The following CACNA1G variants were observed in gnomAD, a reference collection of about 807,000 sequenced individuals.
CACNA1G encodes voltage-dependent T-type calcium channel subunit alpha-1G.
Under a neutral mutation model 219.4 loss-of-function variants are expected in CACNA1G, and 67 were observed. The observed-to-expected ratio is 0.31, with a 90% CI of 0.25 to 0.37. The LOEUF (loss-of-function observed/expected upper bound fraction) is 0.37, where lower values mean the gene tolerates loss of function less well. Among genes scored for constraint, CACNA1G ranks in the 10% least tolerant of loss-of-function variants. The pLI is 1.00. For missense variants in CACNA1G, 2,380 were observed against 3,231.4 expected (o/e 0.74, Z 6.39); for synonymous variants, 1,296 against 1,345.3 (o/e 0.96, Z 0.80).
In CACNA1G at chr17:50,626,448, C is replaced by T. The variant is rs775659810; in HGVS notation, c.6831C>T (p.Ser2277=). Residue 2277 remains serine (S), a synonymous_variant, in exon 38 of 38, where the codon AGC becomes AGT. Coordinates refer to ENST00000359106, the MANE Select transcript of CACNA1G (RefSeq NM_018896.5). The surrounding 1 kb of genome is among the most constrained non-coding windows in gnomAD (Gnocchi z 4.3). ...RHSIAVSCLD[S]GSQPHLGTDP... ...CTATCGCCGTCAGCTGCCTGGACAG[C>T]GGCTCCCAACCCCACCTGGGCACAG... 3.7e-5 allele frequency: 59 copies of T among 1,603,952 alleles called. No homozygotes were observed. In the South Asian group the frequency reaches 3.8e-4, roughly 10 times the overall value.
Position 50,578,348 on chromosome 17 carries a change from G to A in CACNA1G, c.2085G>A (p.Glu695=), listed in dbSNP as rs566669582. ...ACTCAGACAGCGAGGCAGTTTATGA[G>A]TTCACACAGGATGCCCAGCACAGCG... The part of the protein sequence containing the change: ...MPDSDSEAVY[E]FTQDAQHSDL... The change falls in exon 9 of 38, where the codon GAG becomes GAA. Residue 695 remains glutamate (E), a synonymous_variant. Coordinates refer to ENST00000359106, the MANE Select transcript of CACNA1G (RefSeq NM_018896.5). The surrounding 1 kb of genome is among the most constrained non-coding windows in gnomAD (Gnocchi z 4.5). 1.2e-6 allele frequency: 2 copies of A among 1,613,298 alleles called. No individual in the cohort carries two copies. Among genetic ancestry groups the A allele is most frequent in the African/African-American group, 1.3e-5 (1 of 75,030 alleles).
rs1372972836 is a variant in CACNA1G, at chr17:50,600,752, G to A, written c.3717G>A (p.Trp1239Ter). The change falls in exon 18 of 38, where the codon TGG (tryptophan) becomes TGA (stop). Residue 1239 changes from tryptophan (W) to a stop codon, truncating the protein, a stop_gained. Coordinates refer to ENST00000359106, the MANE Select transcript of CACNA1G (RefSeq NM_018896.5). LOFTEE classifies it high-confidence loss of function. The surrounding 1 kb of genome is among the most constrained non-coding windows in gnomAD (Gnocchi z 4.1). ...NLSKGERVRAWIRARLPACCL... is the reference protein window; with the variant it reads ...NLSKGERVRA ...GCAAAGGGGAACGGGTCCGCGCGTG[G>A]ATCCGAGCCCGACTCCCTGCCTGCT... The A allele has an allele frequency of 6.2e-7, 1 of 1,613,696 alleles. No homozygotes were observed. Among genetic ancestry groups the A allele is most frequent in the African/African-American group, 1.3e-5 (1 of 74,890 alleles).
At chr17:50,607,533 C>CGTGT in intron 24 of CACNA1G, 1 of 392,648 alleles carries the variant, frequency 2.5e-6, no homozygotes, top group South Asian at 3.5e-5. Flanking sequence ...CACAGAAATT[C>CGTGT]AGATTTGTGT....
chr17:50,588,792 A>G (rs2043548653), intron 9 of CACNA1G, among the ~76,000 whole-genome samples: 1 of 152,134 alleles, frequency 6.6e-6, no homozygotes, highest in Non-Finnish European at 1.5e-5. Context: ...GCCTTTGAAC[A>G]GTCTGAAAGT....
chr17:50,617,925 C>A lies in CACNA1G; in HGVS notation c.5222C>A (p.Pro1741His). 1 of 1,613,744 alleles carries A rather than the reference C, an allele frequency of 6.2e-7. No individual in the cohort carries two copies. The highest frequency in any genetic ancestry group is 8.5e-7 in the Non-Finnish European group (1 of 1,179,866). ...ALLDTVMQAL[P>H]QVGNLGLLFM... ...CTGGACACGGTGATGCAGGCCCTGC[C>A]CCAGGTAGCCGGGAGGTGGGGGGCC... Residue 1741 changes from proline to histidine, a missense_variant, in exon 30 of 38, where the codon CCC becomes CAC. Around this residue, in one of 17 missense-constraint regions of CACNA1G, gnomAD observed 123 missense variants for 258.4 expected, o/e 0.48. Coordinates refer to ENST00000359106, the MANE Select transcript of CACNA1G (RefSeq NM_018896.5). The surrounding 1 kb of genome is among the most constrained non-coding windows in gnomAD (Gnocchi z 5.8).
chr17:50,626,661 C>T lies in CACNA1G; in HGVS notation c.7044C>T (p.Pro2348=), dbSNP rs780024142. ...CCAAGGATCCCTTGGCCTCTGGCCC[C>T]CCTGACAGCATGGCTGCCTCGCCCT... ...SDSKDPLASG[P]PDSMAASPSP... Residue 2348 remains proline, a synonymous_variant, in exon 38 of 38, where the codon CCC becomes CCT. Coordinates refer to ENST00000359106, the MANE Select transcript of CACNA1G (RefSeq NM_018896.5). This position sits in a 1 kb window ranked among gnomAD's most constrained non-coding sequence, Gnocchi z 4.3. 1 of 1,613,352 alleles carries T rather than the reference C, an allele frequency of 6.2e-7. No homozygotes were observed. Among genetic ancestry groups the T allele is most frequent in the Non-Finnish European group, 8.5e-7 (1 of 1,179,856 alleles).
chr17:50,572,136 C>A, intron 5 of CACNA1G, 99 bp downstream of exon 5: 6 of 1,313,264 alleles, frequency 4.6e-6, no homozygotes, highest in Non-Finnish European at 6.3e-6. Flanking sequence ...CATATCTGTT[C>A]TAACATCTGA....
At chr17:50,623,050 C>T (rs1347296503) in intron 35 of CACNA1G, among the ~76,000 whole-genome samples, 2 of 151,560 alleles carry the variant, frequency 1.3e-5, no homozygotes, top group Non-Finnish European at 2.9e-5. Context: ...TCCCCCTCAC[C>T]TCCCCCACTG....
intron 37 of CACNA1G, among the ~76,000 whole-genome samples, chr17:50,625,062 C>T (rs537260509): frequency 6.6e-6 from 1 of 150,654 alleles, no homozygotes; most frequent in East Asian, 2.0e-4. Context: ...AAGTGATTCT[C>T]CTGCATCAGC....
intron 8 of CACNA1G, 142 bp downstream of exon 8, chr17:50,576,468 G>C (rs1176232380): frequency 2.3e-5 from 18 of 776,280 alleles, no homozygotes; most frequent in Non-Finnish European, 3.8e-5. Context: ...CCTTCAACCA[G>C]TCACATCCCT....
At chr17:50,606,313 C>G (rs1356476163) in intron 23 of CACNA1G, 2 of 668,328 alleles carry the variant, frequency 3.0e-6, no homozygotes, top group Non-Finnish European at 5.5e-6. Flanking sequence ...GAGCAGGAAG[C>G]ACACGTGGCA....
At chr17:50,599,903 A>G (rs1466908770) in intron 17 of CACNA1G, 44 bp downstream of exon 17, 2 of 1,567,414 alleles carry the variant, frequency 1.3e-6, no homozygotes, top group Admixed American at 1.7e-5. Context: ...CCTGACCTTG[A>G]AAGAGGGGAG....
chr17:50,561,132 C>A lies in CACNA1G; in HGVS notation c.-328C>A. ...GGGGCGGCTTCGCCGAAGGTAGCGC[C>A]GAATCCGGCAACCGGAGCCTGGGCG... On this transcript the variant is annotated 5_prime_UTR_variant, in exon 1 of 38. Transcript: ENST00000359106. The A allele has an allele frequency of 2.0e-6, 1 of 503,136 alleles. No homozygotes were observed. The highest frequency in any genetic ancestry group is 3.7e-6 in the Non-Finnish European group (1 of 267,642). 31.2% of individuals were successfully genotyped at this position (503,136 alleles called of 1,614,324 possible). A position where few individuals can be genotyped will look rare whatever the true frequency, so the allele number is the denominator to read the frequency against.
chr17:50,576,266 C>T lies in CACNA1G; in HGVS notation c.1864C>T (p.Leu622Phe). Residue 622 changes from leucine (L) to phenylalanine (F), a missense_variant, in exon 8 of 38, where the codon CTC (leucine) becomes TTC (phenylalanine). Transcript: ENST00000359106. ...CTCTGGGCCCCCAACCCTCACCAGC[C>T]TCAACATCCCACCCGGGCCCTACAG... ...ASSGPPTLTS[L>F]NIPPGPYSSM... 6.3e-7 allele frequency: 1 copy of T among 1,591,206 alleles called. No individual in the cohort carries two copies. Among genetic ancestry groups the T allele is most frequent in the South Asian group, 1.1e-5 (1 of 87,548 alleles).
chr17:50,617,726 A>G lies in CACNA1G; in HGVS notation c.5156-133A>G. 1 of 1,422,690 alleles carries G rather than the reference A, an allele frequency of 7.0e-7. No homozygotes were observed. Among genetic ancestry groups the G allele is most frequent in the Non-Finnish European group, 9.6e-7 (1 of 1,036,822 alleles). 88.1% of individuals were successfully genotyped at this position (1,422,690 alleles called of 1,614,324 possible). On this transcript the variant is annotated intron_variant, in intron 29 of 37. Transcript: ENST00000359106. The surrounding 1 kb of genome is among the most constrained non-coding windows in gnomAD (Gnocchi z 5.8). ...CCAAGGGAGGCTGGAGACAGGGCTG[A>G]GGATGGGGATGCAACCTGGCTGGCC...
rs1463295256 is a variant in CACNA1G, at chr17:50,561,503, A to C, written c.44A>C (p.Gln15Pro). ...EDGAGAEESG[Q>P]PRSFMRLNDL... ...GGAGCGGGCGCCGAGGAGTCGGGAC[A>C]GCCCCGGAGCTTCATGCGGCTCAAC... The change falls in exon 1 of 38, where the codon CAG becomes CCG. Residue 15 changes from glutamine to proline, a missense_variant. Coordinates refer to ENST00000359106, the MANE Select transcript of CACNA1G (RefSeq NM_018896.5). 3.3e-6 allele frequency: 5 copies of C among 1,535,790 alleles called. No individual in the cohort carries two copies. Among genetic ancestry groups the C allele is most frequent in the Non-Finnish European group, 4.4e-6 (5 of 1,146,514 alleles).
At position 50,616,174 on chromosome 17, in the gene CACNA1G, TC is replaced by T. The variant is rs896166390; in HGVS notation, c.4912-97del. The T allele has an allele frequency of 7.3e-6, 5 of 681,234 alleles. No homozygotes were observed. In the African/African-American group the frequency reaches 9.0e-5, roughly 12 times the overall value. The allele number at this position is 681,234 out of a possible 1,614,324, so 42.2% of individuals were successfully genotyped here. A position where few individuals can be genotyped will look rare whatever the true frequency, so the allele number is the denominator to read the frequency against. ...CAGAGAAGACAGGGCTCCTTGGAGT[TC>T]CCCTGCCTCTCAGACCTGGGCGGTA... On this transcript the variant is annotated intron_variant, in intron 27 of 37. Transcript: ENST00000359106.
intron 9 of CACNA1G, among the ~76,000 whole-genome samples, chr17:50,588,510 G>A (rs1340655911): frequency 6.6e-6 from 1 of 152,198 alleles, no homozygotes; most frequent in Non-Finnish European, 1.5e-5. Context: ...CACTTAGCCA[G>A]GTGGGGTCTG....
At chr17:50,574,322 C>T (rs1163006607) in intron 7 of CACNA1G, among the ~76,000 whole-genome samples, 2 of 152,240 alleles carry the variant, frequency 1.3e-5, no homozygotes. Flanking sequence ...TACTCAGGAC[C>T]TAGGACTAGC....
Sources: allele counts gnomAD v4.1 joint callset (sites outside exome capture counted in the v4.1 genomes callset), GRCh38; gene constraint gnomAD v4.1.1; regional missense constraint gnomAD v4.1.1; non-coding constraint Gnocchi (gnomAD v3.1); transcripts MANE v1.5; gene names NCBI Gene and HGNC (gene_info 2026-07-23, HGNC 2026-07-21).